SIGLECL1: variants seen among roughly 807,000 people sequenced by gnomAD.
SIGLECL1 encodes the protein SIGLEC family-like protein 1.
In SIGLECL1, 16 loss-of-function variants were observed where a neutral mutation model predicts 19.1. That is an observed-to-expected ratio of 0.84 (90% CI 0.57 to 1.27). The LOEUF (loss-of-function observed/expected upper bound fraction) is 1.27, where lower values mean the gene tolerates loss of function less well. SIGLECL1 is among the 50% of genes most tolerant of loss of function. The pLI, the probability that SIGLECL1 is intolerant of heterozygous loss-of-function variation, is 0.00. For synonymous variants in SIGLECL1, 89 were observed against 90.4 expected, an observed-to-expected ratio of 0.98 and a Z score of 0.09; for missense variants, 210 against 239.4, an observed-to-expected ratio of 0.88 and a Z score of 0.81.
intron 2 of SIGLECL1, 105 bp downstream of exon 2, chr19:51,264,199 G>C: frequency 1.6e-6 from 2 of 1,283,172 alleles, no homozygotes; most frequent in South Asian, 2.6e-5. Flanking sequence ...TGGAGAAAGA[G>C]GACATATGGG....
chr19:51,267,370 T>C lies in SIGLECL1; in HGVS notation c.411-3T>C, dbSNP rs2123458497. The C allele has an allele frequency of 1.2e-6, 2 of 1,610,500 alleles. No individual in the cohort carries two copies. Among genetic ancestry groups the C allele is most frequent in the South Asian group, 1.1e-5 (1 of 91,058 alleles). ...AGAACCAATCCAAGGCTTATTTCCT[T>C]AGAGTGAAACATATCAGAAAGAAGC... On this transcript the variant is annotated splice_region_variant and splice_polypyrimidine_tract_variant and intron_variant, in intron 4 of 5. Coordinates refer to ENST00000601727, the MANE Select transcript of SIGLECL1 (RefSeq NM_001385465.1).
At chr19:51,262,853 T>C (rs1023730197) in intron 1 of SIGLECL1, among the ~76,000 whole-genome samples, 3 of 152,042 alleles carry the variant, frequency 2.0e-5, no homozygotes, top group African/African-American at 7.3e-5. Context: ...CTTGTGTCAA[T>C]ACCATACTCT....
rs766616657 is a variant in SIGLECL1 at position 51,265,447 on chromosome 19, A to G, written c.102A>G (p.Thr34=). 6.2e-6 allele frequency: 10 copies of G among 1,614,074 alleles called. No homozygotes were observed. Among genetic ancestry groups the G allele is most frequent in the South Asian group, 5.5e-5 (5 of 91,080 alleles). ...GCTGTTCCTTCCATGGGATTCCCACACCCTCTGTGCAGTGGTGGATGGGAG... is the reference window on the plus strand; with the variant it reads ...GCTGTTCCTTCCATGGGATTCCCACGCCCTCTGTGCAGTGGTGGATGGGAG... The part of the protein sequence containing the change: ...QCSCSFHGIP[T]PSVQWWMGGV... Residue 34 remains threonine, a synonymous_variant, in exon 3 of 6, where the codon ACA becomes ACG. Coordinates refer to ENST00000601727, the MANE Select transcript of SIGLECL1 (RefSeq NM_001385465.1).
upstream of SIGLECL1, chr19:51,246,499 G>A (rs1198462562): frequency 6.6e-6 from 1 of 152,186 alleles, no homozygotes; most frequent in East Asian, 1.9e-4. Context: ...GGTGGTTAGG[G>A]GAGGGTGTGG....
At chr19:51,246,975 C>G (rs1982281287), upstream of SIGLECL1, among the ~76,000 whole-genome samples, 1 of 152,232 alleles carries the variant, frequency 6.6e-6, no homozygotes, top group Non-Finnish European at 1.5e-5. Flanking sequence ...TGAATGCACT[C>G]TTACATGTAG....
chr19:51,257,295 A>G (rs1000813251), intron 1 of SIGLECL1, among the ~76,000 whole-genome samples: 5 of 151,984 alleles, frequency 3.3e-5, no homozygotes, highest in Non-Finnish European at 7.4e-5. Flanking sequence ...AGTCCCAGCT[A>G]CTTGGGAGGC....
chr19:51,265,418 T>C lies in SIGLECL1; in HGVS notation c.73T>C (p.Cys25Arg). The C allele has an allele frequency of 6.2e-7, 1 of 1,614,090 alleles. No individual in the cohort carries two copies. Among genetic ancestry groups the C allele is most frequent in the Middle Eastern group, 1.7e-4 (1 of 5,998 alleles). The part of the protein sequence containing the change: ...SSCSLEKTLQ[C>R]SCSFHGIPTP... ...TTGCTCCTTGGAGAAGACACTGCAG[T>C]GCAGCTGTTCCTTCCATGGGATTCC... Residue 25 changes from cysteine to arginine, a missense_variant, in exon 3 of 6, where the codon TGC becomes CGC. Coordinates refer to ENST00000601727, the MANE Select transcript of SIGLECL1 (RefSeq NM_001385465.1).
Position 51,267,359 on chromosome 19 carries a change from G to T in SIGLECL1, c.411-14G>T. Reference sequence around the variant, plus strand: ...GATGGAGAGCCAGAACCAATCCAAGGCTTATTTCCTTAGAGTGAAACATAT... The same window carrying T: ...GATGGAGAGCCAGAACCAATCCAAGTCTTATTTCCTTAGAGTGAAACATAT... On this transcript the variant is annotated splice_polypyrimidine_tract_variant and intron_variant, in intron 4 of 5. Transcript: ENST00000601727. The T allele has an allele frequency of 6.2e-7, 1 of 1,608,402 alleles. No individual in the cohort carries two copies.
intron 1 of SIGLECL1, among the ~76,000 whole-genome samples, chr19:51,255,484 A>G (rs1439978866): frequency 6.6e-6 from 1 of 152,216 alleles, no homozygotes. Context: ...GGAAACAATC[A>G]ACAGAGTGAA....
chr19:51,248,438 T>C (rs1030320039), upstream of SIGLECL1, among the ~76,000 whole-genome samples: 1 of 152,142 alleles, frequency 6.6e-6, no homozygotes, highest in Non-Finnish European at 1.5e-5. Context: ...TTTCTCTTTC[T>C]CTTCTCTTCT....
chr19:51,267,667 G>A (rs904640627), intron 5 of SIGLECL1, 138 bp downstream of exon 5: 5 of 966,462 alleles, frequency 5.2e-6, no homozygotes, highest in Non-Finnish European at 6.1e-6. Flanking sequence ...GTGCTTTCAG[G>A]TCATTTTATA....
In SIGLECL1 at chr19:51,263,920, C is replaced by T; in HGVS notation, c.-153C>T. The T allele has an allele frequency of 4.5e-6, 4 of 885,084 alleles. No homozygotes were observed. Among genetic ancestry groups the T allele is most frequent in the Non-Finnish European group, 1.7e-6 (1 of 578,760 alleles). 54.8% of individuals were successfully genotyped at this position (885,084 alleles called of 1,614,324 possible). A position where few individuals can be genotyped will look rare whatever the true frequency, so the allele number is the denominator to read the frequency against. On this transcript the variant is annotated 5_prime_UTR_variant, in exon 2 of 6. Coordinates refer to ENST00000601727, the MANE Select transcript of SIGLECL1 (RefSeq NM_001385465.1). Reference sequence around the variant, plus strand: ...TCACGATGACCAGAGACAGAAGCCCCTGACTTGGCTAAAGATACTTCTGCT... The same window carrying T: ...TCACGATGACCAGAGACAGAAGCCCTTGACTTGGCTAAAGATACTTCTGCT...
intron 1 of SIGLECL1, among the ~76,000 whole-genome samples, chr19:51,263,328 T>C (rs113910910): frequency 6.0e-4 from 91 of 152,350 alleles, no homozygotes; most frequent in African/African-American, 2.1e-3. Flanking sequence ...AAAACAATTA[T>C]ACTGTGGTAG....
At chr19:51,262,579 C>T (rs1983312706) in intron 1 of SIGLECL1, among the ~76,000 whole-genome samples, 1 of 152,156 alleles carries the variant, frequency 6.6e-6, no homozygotes, top group South Asian at 2.1e-4. Flanking sequence ...TTATAGGTCA[C>T]ATTATATTTC....
At chr19:51,251,955 A>G (rs1982514694) in intron 1 of SIGLECL1, among the ~76,000 whole-genome samples, 1 of 152,194 alleles carries the variant, frequency 6.6e-6, no homozygotes, top group South Asian at 2.1e-4. Flanking sequence ...AAGAGACAGA[A>G]GGAAAATTGA....
intron 1 of SIGLECL1, among the ~76,000 whole-genome samples, chr19:51,261,364 C>A (rs947040867): frequency 6.6e-6 from 1 of 152,196 alleles, no homozygotes; most frequent in Non-Finnish European, 1.5e-5. Flanking sequence ...TCTCGGCTCA[C>A]TGCAAGCTCT....
At chr19:51,259,521 T>G (rs1005008847) in intron 1 of SIGLECL1, among the ~76,000 whole-genome samples, 9 of 152,236 alleles carry the variant, frequency 5.9e-5, no homozygotes, top group Non-Finnish European at 1.2e-4. Context: ...TTAGGCAGAC[T>G]GGAGCTAAGG....
chr19:51,261,724 T>C (rs1983239127), intron 1 of SIGLECL1, among the ~76,000 whole-genome samples: 1 of 152,240 alleles, frequency 6.6e-6, no homozygotes, highest in Non-Finnish European at 1.5e-5. Flanking sequence ...CATTTATATT[T>C]AGTTAAATCA....
At chr19:51,247,981 T>C (rs193058167), upstream of SIGLECL1, among the ~76,000 whole-genome samples, 6 of 152,278 alleles carry the variant, frequency 3.9e-5, no homozygotes, top group East Asian at 9.7e-4. Context: ...GCTACACCAA[T>C]ACAGGAGTTA....
Sources: gnomAD v4.1 joint callset for allele counts (sites outside exome capture counted in the v4.1 genomes callset) on GRCh38, gnomAD v4.1.1 for gene constraint, MANE v1.5 for transcripts, NCBI Gene and HGNC (gene_info 2026-07-23, HGNC 2026-07-21) for gene names.